Variants in KLHL6 observed in about 807,000 individuals in gnomAD.
KLHL6 encodes the protein kelch like family member 6, also known as kelch-like protein 6.
Under a neutral mutation model 58.6 loss-of-function variants are expected in KLHL6, and 41 were observed. That is an observed-to-expected ratio of 0.70 (90% CI 0.55 to 0.91). The LOEUF (loss-of-function observed/expected upper bound fraction) is 0.91. Ranked by LOEUF, KLHL6 falls within the 40% of genes least tolerant of loss-of-function variation. KLHL6 has a pLI of 0.00. For synonymous variants in KLHL6, 338 were observed against 322.7 expected, an observed-to-expected ratio of 1.05 and a Z score of -0.51; for missense variants, 714 against 805.6, an observed-to-expected ratio of 0.89 and a Z score of 1.38.
chr3:183,506,442 TC>T (rs1228923844), intron 3 of KLHL6, among the ~76,000 whole-genome samples: 2 of 152,160 alleles, frequency 1.3e-5, no homozygotes, highest in Non-Finnish European at 2.9e-5. Context: ...TATAACAAGC[TC>T]CCAGTCTAGA....
At chr3:183,540,477 G>A (rs1372608311) in intron 1 of KLHL6, among the ~76,000 whole-genome samples, 1 of 152,112 alleles carries the variant, frequency 6.6e-6, no homozygotes, top group African/African-American at 2.4e-5. Flanking sequence ...TGAGCTGAAT[G>A]TCTGTCACTC....
At position 183,555,346 on chromosome 3, in the gene KLHL6, C is replaced by A; in HGVS notation, c.293+15G>T. 1 of 1,611,724 alleles carries A rather than the reference C, an allele frequency of 6.2e-7. No individual in the cohort carries two copies. The highest frequency in any genetic ancestry group is 1.1e-5 in the South Asian group (1 of 90,798). On this transcript the variant is annotated intron_variant, in intron 1 of 6. Transcript: ENST00000341319. ...AACTTGCACCCAATTTGACTCTGGT[C>A]CTAGGCATGCTGACCTGAAATAGTT...
chr3:183,524,358 A>G (rs186931114), intron 2 of KLHL6, among the ~76,000 whole-genome samples: 26 of 152,296 alleles, frequency 1.7e-4, no homozygotes, highest in African/African-American at 6.3e-4. Flanking sequence ...TTCCTCTTAG[A>G]TGCTTCTCTT....
At chr3:183,512,146 T>C (rs1009888253) in intron 2 of KLHL6, among the ~76,000 whole-genome samples, 2 of 152,198 alleles carry the variant, frequency 1.3e-5, no homozygotes, top group East Asian at 1.9e-4. Flanking sequence ...ACCAGAACCC[T>C]ATCTGGCCCT....
chr3:183,533,779 C>T (rs1461848481), intron 1 of KLHL6, among the ~76,000 whole-genome samples: 3 of 151,954 alleles, frequency 2.0e-5, no homozygotes, highest in South Asian at 4.1e-4. Flanking sequence ...CTTCCGCCTC[C>T]GTCCTTCCCC....
At chr3:183,553,867 C>G (rs1446250142) in intron 1 of KLHL6, among the ~76,000 whole-genome samples, 1 of 152,046 alleles carries the variant, frequency 6.6e-6, no homozygotes, top group Non-Finnish European at 1.5e-5. Flanking sequence ...CTGCTTCCCT[C>G]AAACCCAGAT....
chr3:183,512,145 C>G (rs542609180), intron 2 of KLHL6, among the ~76,000 whole-genome samples: 1 of 152,322 alleles, frequency 6.6e-6, no homozygotes, highest in South Asian at 2.1e-4. Flanking sequence ...CACCAGAACC[C>G]TATCTGGCCC....
At chr3:183,500,763 C>T (rs994447437) in intron 3 of KLHL6, among the ~76,000 whole-genome samples, 7 of 152,192 alleles carry the variant, frequency 4.6e-5, no homozygotes, top group African/African-American at 1.7e-4. Context: ...CATAGGTGTG[C>T]TGACACAAGG....
At chr3:183,493,124 T>C (rs1048209082) in intron 5 of KLHL6, 2 of 198,132 alleles carry the variant, frequency 1.0e-5, no homozygotes, top group African/African-American at 4.7e-5. Flanking sequence ...TGCTTATATC[T>C]AGGAAGAAAA....
intron 1 of KLHL6, among the ~76,000 whole-genome samples, chr3:183,550,500 T>G (rs1712875029): frequency 6.6e-6 from 1 of 151,890 alleles, no homozygotes; most frequent in African/African-American, 2.4e-5. Flanking sequence ...TTATTTAAAA[T>G]CAAAGAAAGG....
At position 183,491,835 on chromosome 3, in the gene KLHL6, G is replaced by A; in HGVS notation, c.*92C>T. ...TCCCCTGATGTATGGCCTCAAACTC[G>A]AGCCTGCTGCCTGAAGTGGGACTGG... On this transcript the variant is annotated 3_prime_UTR_variant, in exon 7 of 7. Coordinates refer to ENST00000341319, the MANE Select transcript of KLHL6 (RefSeq NM_130446.4). 1 of 1,193,654 alleles carries A rather than the reference G, an allele frequency of 8.4e-7. No homozygotes were observed. The highest frequency in any genetic ancestry group is 1.1e-6 in the Non-Finnish European group (1 of 888,934). The allele number at this position is 1,193,654 out of a possible 1,614,324, so 73.9% of individuals were successfully genotyped here. A position where few individuals can be genotyped will look rare whatever the true frequency, so the allele number is the denominator to read the frequency against.
intron 3 of KLHL6, among the ~76,000 whole-genome samples, chr3:183,501,633 C>G (rs554184772): frequency 5.9e-5 from 9 of 152,170 alleles, no homozygotes; most frequent in African/African-American, 2.2e-4. Context: ...GCTGGCACCT[C>G]GTTCCTTGGT....
At chr3:183,526,880 C>T (rs752233951) in intron 2 of KLHL6, among the ~76,000 whole-genome samples, 10 of 152,126 alleles carry the variant, frequency 6.6e-5, no homozygotes, top group Non-Finnish European at 1.5e-4. Context: ...AGATGGATCA[C>T]TTGAGGTCAG....
chr3:183,527,697 TGC>T, intron 2 of KLHL6, 146 bp downstream of exon 2: 6 of 679,760 alleles, frequency 8.8e-6, no homozygotes, highest in Non-Finnish European at 1.2e-5. Flanking sequence ...GCTAGGGGTG[TGC>T]GTGTGTGTGT....
intron 2 of KLHL6, among the ~76,000 whole-genome samples, chr3:183,514,880 T>G (rs1353449365): frequency 2.0e-5 from 3 of 152,028 alleles, no homozygotes; most frequent in Non-Finnish European, 4.4e-5. Context: ...ATGTTGGCCA[T>G]TCTGGTCTCG....
At position 183,531,693 on chromosome 3, in the gene KLHL6, G is replaced by A. The variant is rs548931035; in HGVS notation, c.294-3683C>T. On this transcript the variant is annotated intron_variant, in intron 1 of 6. Coordinates refer to ENST00000341319, the MANE Select transcript of KLHL6 (RefSeq NM_130446.4). The stretch of plus-strand genomic sequence containing the variant: ...AATCTCCTGACCTTGTGATCTGCCC[G>A]CCTCTGCCTCCCAAAGTGCTGGGAT... Among the ~76,000 whole-genome samples the A allele has an allele frequency of 9.2e-5, 14 of 151,806 alleles. No homozygotes were observed. In the East Asian group the frequency reaches 1.2e-3, roughly 13 times the overall value.
intron 4 of KLHL6, among the ~76,000 whole-genome samples, chr3:183,496,195 G>T (rs1020226963): frequency 3.3e-5 from 5 of 151,962 alleles, no homozygotes; most frequent in African/African-American, 9.7e-5. Flanking sequence ...TATAAGAAGA[G>T]TTCCAAAAAA....
intron 1 of KLHL6, among the ~76,000 whole-genome samples, chr3:183,547,205 A>T: frequency 6.6e-6 from 1 of 152,072 alleles, no homozygotes; most frequent in East Asian, 1.9e-4. Context: ...AAGCCACTGC[A>T]CCCGACCTCA....
chr3:183,508,613 T>G, intron 2 of KLHL6, 105 bp from the exon 3 acceptor site: 1 of 879,688 alleles, frequency 1.1e-6, no homozygotes, highest in Non-Finnish European at 1.7e-6. Flanking sequence ...ACAACCTAAA[T>G]GTCCAACAGT....
Sources: gnomAD v4.1 joint callset for allele counts (sites outside exome capture counted in the v4.1 genomes callset) on GRCh38, gnomAD v4.1.1 for gene constraint, MANE v1.5 for transcripts, NCBI Gene and HGNC (gene_info 2026-07-23, HGNC 2026-07-21) for gene names.